Variants in PHKB observed in about 807,000 individuals in gnomAD.
PHKB encodes phosphorylase b kinase regulatory subunit beta.
Under a neutral mutation model 152.1 loss-of-function variants are expected in PHKB, and 122 were observed. The ratio of observed to expected loss-of-function variants is 0.80; its 90% confidence interval spans 0.69 to 0.93. PHKB has a LOEUF of 0.93. Among genes scored for constraint, PHKB ranks in the 40% least tolerant of loss-of-function variants. PHKB has a pLI of 0.00. For synonymous variants in PHKB, 436 were observed against 464.9 expected, an observed-to-expected ratio of 0.94 and a Z score of 0.80; for missense variants, 1,304 against 1,328.4, an observed-to-expected ratio of 0.98 and a Z score of 0.29.
intron 12 of PHKB, among the ~76,000 whole-genome samples, chr16:47,595,537 G>A (rs1036279145): frequency 1.3e-5 from 2 of 151,954 alleles, no homozygotes; most frequent in Admixed American, 6.6e-5. Context: ...TTTTCTCTTC[G>A]GTGATATTGA....
intron 3 of PHKB, among the ~76,000 whole-genome samples, chr16:47,501,160 T>C (rs552040980): frequency 6.6e-5 from 10 of 152,228 alleles, no homozygotes; most frequent in Non-Finnish European, 1.2e-4. Flanking sequence ...CTGATGTTAA[T>C]TGCCATTCCT....
At chr16:47,519,564 A>G (rs1970652207) in intron 6 of PHKB, among the ~76,000 whole-genome samples, 2 of 152,184 alleles carry the variant, frequency 1.3e-5, no homozygotes, top group South Asian at 2.1e-4. Flanking sequence ...GACCTTTCCA[A>G]CTGAGCTGCT....
At chr16:47,661,305 G>A (rs1052813196) in intron 22 of PHKB, among the ~76,000 whole-genome samples, 2 of 152,064 alleles carry the variant, frequency 1.3e-5, no homozygotes, top group Non-Finnish European at 2.9e-5. Flanking sequence ...CTTCACAACA[G>A]TTTGCTAGCA....
chr16:47,502,001 G>C (rs1339214873), intron 3 of PHKB, among the ~76,000 whole-genome samples: 1 of 152,128 alleles, frequency 6.6e-6, no homozygotes, highest in Admixed American at 6.5e-5. Context: ...ATGTGCTAAT[G>C]ATGAATAACT....
At chr16:47,680,547 T>C (rs1973830988) in intron 26 of PHKB, among the ~76,000 whole-genome samples, 3 of 152,226 alleles carry the variant, frequency 2.0e-5, no homozygotes, top group Admixed American at 6.5e-5. Flanking sequence ...TTTTCTAGTT[T>C]ATTTGCGTAG....
Position 47,660,718 on chromosome 16 carries a change from C to T in PHKB, c.2095C>T (p.Gln699Ter). The T allele has an allele frequency of 6.2e-7, 1 of 1,613,972 alleles. No homozygotes were observed. Among genetic ancestry groups the T allele is most frequent in the South Asian group, 1.1e-5 (1 of 91,080 alleles). Residue 699 changes from glutamine to a stop codon, truncating the protein, a stop_gained, in exon 22 of 31, where the codon CAA (glutamine) becomes TAA (stop). Coordinates refer to ENST00000323584, the MANE Select transcript of PHKB (RefSeq NM_000293.3). LOFTEE classifies it high-confidence loss of function. ...TCCCAAACATTCAAAAGTCAAACGGCAAAGCAGCACCCCTAGTGCTCCTGA... is the reference window on the plus strand; with the variant it reads ...TCCCAAACATTCAAAAGTCAAACGGTAAAGCAGCACCCCTAGTGCTCCTGA... ...EPPKHSKVKR[Q>*]SSTPSAPELG...
At chr16:47,648,848 A>T (rs951193289) in intron 17 of PHKB, among the ~76,000 whole-genome samples, 2 of 152,220 alleles carry the variant, frequency 1.3e-5, no homozygotes, top group African/African-American at 4.8e-5. Context: ...TTTGTAAAAT[A>T]TCTAATTATA....
rs764939525 is a variant in PHKB at position 47,663,739 on chromosome 16, G to T, written c.2336+5G>T. On this transcript the variant is annotated splice_donor_5th_base_variant and intron_variant, in intron 24 of 30. Transcript: ENST00000323584. ...AGCTGGCAGCCAAAAACTTTGGTTT[G>T]TATTAGTGTCCTTGTTGTTATGTTT... is the stretch of plus-strand genomic sequence containing the variant. The T allele has an allele frequency of 1.3e-6, 2 of 1,528,432 alleles. No individual in the cohort carries two copies. The highest frequency in any genetic ancestry group is 4.5e-5 in the East Asian group (2 of 44,510). 94.7% of individuals were successfully genotyped at this position (1,528,432 alleles called of 1,614,324 possible). A position where few individuals can be genotyped will look rare whatever the true frequency, so the allele number is the denominator to read the frequency against.
chr16:47,661,316 A>T (rs1182325151), intron 22 of PHKB, among the ~76,000 whole-genome samples: 7 of 152,164 alleles, frequency 4.6e-5, no homozygotes. Flanking sequence ...TTTGCTAGCA[A>T]CATGGTCTCC....
chr16:47,522,475 G>T, intron 6 of PHKB, among the ~76,000 whole-genome samples: 1 of 149,854 alleles, frequency 6.7e-6, no homozygotes, highest in Non-Finnish European at 1.5e-5. Context: ...ATTTTTGTTA[G>T]CCTTTTCAAA....
chr16:47,685,105 C>T (rs563236186), intron 26 of PHKB, among the ~76,000 whole-genome samples: 1 of 152,260 alleles, frequency 6.6e-6, no homozygotes, highest in South Asian at 2.1e-4. Context: ...ATCCATCCAT[C>T]TTTTCCTTTC....
At position 47,699,318 on chromosome 16, in the gene PHKB, G is replaced by A. The variant is rs142484035; in HGVS notation, c.3234G>A (p.Leu1078=). The A allele has an allele frequency of 6.8e-6, 11 of 1,614,050 alleles. No individual in the cohort carries two copies. The African/African-American group carries it at 1.1e-4, about 16-fold the overall frequency. The change falls in exon 31 of 31, where the codon CTG becomes CTA. Residue 1078 remains leucine (L), a synonymous_variant. Transcript: ENST00000323584. ...YLTKAVMNLL[L]EGEVKPNNDD... is the part of the protein sequence containing the mutation. ...CAAAGGCGGTGATGAATCTGCTGCT[G>A]GAAGGAGAAGTCAAGCCAAACAATG...
rs932686991 is a variant in PHKB at position 47,594,301 on chromosome 16, A to G, written c.1204+87A>G. On this transcript the variant is annotated intron_variant, in intron 12 of 30. Coordinates refer to ENST00000323584, the MANE Select transcript of PHKB (RefSeq NM_000293.3). Reference sequence around the variant, plus strand: ...TATAAGTGAGTCCTTTGTAAAAAACAATAATTTGTATTAAATTGAAAAAAA... The same window carrying G: ...TATAAGTGAGTCCTTTGTAAAAAACGATAATTTGTATTAAATTGAAAAAAA... The G allele has an allele frequency of 1.2e-5, 9 of 734,148 alleles. No homozygotes were observed. In the African/African-American group the frequency reaches 1.6e-4, roughly 13 times the overall value. 45.5% of individuals were successfully genotyped at this position (734,148 alleles called of 1,614,324 possible).
At chr16:47,485,872 T>C (rs1040176550) in intron 1 of PHKB, among the ~76,000 whole-genome samples, 1 of 152,016 alleles carries the variant, frequency 6.6e-6, no homozygotes, top group Non-Finnish European at 1.5e-5. Flanking sequence ...CCTCCTGCCT[T>C]GGCCTCCCAA....
At chr16:47,569,313 A>G (rs1455118627) in intron 7 of PHKB, among the ~76,000 whole-genome samples, 2 of 152,184 alleles carry the variant, frequency 1.3e-5, no homozygotes, top group Non-Finnish European at 2.9e-5. Flanking sequence ...TCTCATATAA[A>G]ATAGCTACTC....
chr16:47,595,811 T>TA (rs1208468413), intron 12 of PHKB, among the ~76,000 whole-genome samples: 2 of 152,204 alleles, frequency 1.3e-5, no homozygotes, highest in Admixed American at 1.3e-4. Context: ...GCTGTTGAAT[T>TA]AGTGTTTTAA....
chr16:47,576,889 T>G (rs559908202), intron 7 of PHKB, among the ~76,000 whole-genome samples: 3 of 152,288 alleles, frequency 2.0e-5, no homozygotes, highest in African/African-American at 7.2e-5. Context: ...GTGAGCCATA[T>G]TTTAACTCTG....
chr16:47,565,569 T>C lies in PHKB; in HGVS notation c.711-14726T>C. The C allele has an allele frequency of 1.1e-5, 12 of 1,106,078 alleles. 1 individual carries two copies. The highest frequency in any genetic ancestry group is 1.7e-5 in the Non-Finnish European group (12 of 720,444). 68.5% of individuals were successfully genotyped at this position (1,106,078 alleles called of 1,614,324 possible). ...GACAGTCTTCCTCCTTATTGAGTGT[T>C]TCATTTTCTAAAGACTTCTCACTCT... On this transcript the variant is annotated intron_variant, in intron 7 of 30. Transcript: ENST00000323584.
At chr16:47,659,919 A>C (rs1321359510) in intron 20 of PHKB, among the ~76,000 whole-genome samples, 1 of 152,140 alleles carries the variant, frequency 6.6e-6, no homozygotes, top group Non-Finnish European at 1.5e-5. Flanking sequence ...GCCAGAGTAC[A>C]GTGGTGCAAT....
Sources: allele counts gnomAD v4.1 joint callset (sites outside exome capture counted in the v4.1 genomes callset), GRCh38; gene constraint gnomAD v4.1.1; transcripts MANE v1.5; gene names NCBI Gene and HGNC (gene_info 2026-07-23, HGNC 2026-07-21).